Variants in PLIN4 observed in about 807,000 individuals in gnomAD.
PLIN4 encodes the protein perilipin-4.
In PLIN4, 57 loss-of-function variants were observed where a neutral mutation model predicts 52.4. The observed-to-expected ratio is 1.09, with a 90% CI of 0.88 to 1.36. The LOEUF (loss-of-function observed/expected upper bound fraction) is 1.36, where lower values mean the gene tolerates loss of function less well. Among genes scored for constraint, PLIN4 ranks in the 40% most tolerant of loss-of-function variants. The pLI, the probability that PLIN4 is intolerant of heterozygous loss-of-function variation, is 0.00. For synonymous variants in PLIN4, 826 were observed against 785.4 expected, an observed-to-expected ratio of 1.05 and a Z score of -0.86; for missense variants, 1,757 against 1,770.3, an observed-to-expected ratio of 0.99 and a Z score of 0.13.
In PLIN4 at chr19:4,512,187, CT is replaced by C. The variant is rs1976406213; in HGVS notation, c.1772del (p.Lys591ArgfsTer4). ...TGTCCTTGGTGCCGGTCAGCACGGT[CT>C]TGGCTGTGTCTACACCTGTCTGGAC... ...GAVQTGVDTA[K>X]TVLTGTKDTV... On this transcript the variant is annotated frameshift_variant, in exon 5 of 8. Coordinates refer to ENST00000301286, the MANE Select transcript of PLIN4 (RefSeq NM_001367868.2). LOFTEE classifies it high-confidence loss of function. 6.2e-7 allele frequency: 1 copy of C among 1,612,128 alleles called. No homozygotes were observed. The highest frequency in any genetic ancestry group is 1.7e-5 in the Admixed American group (1 of 59,804).
In PLIN4 at chr19:4,502,425, G is replaced by GACAAACCAGGGCATCTAAGCTGT. The variant is rs1263128213; in HGVS notation, c.*2011_*2033dup. 2.4e-5 allele frequency: 8 copies of GACAAACCAGGGCATCTAAGCTGT among 336,326 alleles called. No homozygotes were observed. The highest frequency in any genetic ancestry group is 3.9e-5 in the Non-Finnish European group (7 of 178,360). The allele number at this position is 336,326 out of a possible 1,614,324, so 20.8% of individuals were successfully genotyped here. A position where few individuals can be genotyped will look rare whatever the true frequency, so the allele number is the denominator to read the frequency against. ...CAAGCTCTTCCCAGGAGACAAGAGG[G>GACAAACCAGGGCATCTAAGCTGT]ACAAACCAGGGCATCTAAGCTGTGC... On this transcript the variant is annotated 3_prime_UTR_variant, in exon 8 of 8. Coordinates refer to ENST00000301286, the MANE Select transcript of PLIN4 (RefSeq NM_001367868.2).
intron 6 of PLIN4, 30 bp from the exon 7 acceptor site, chr19:4,504,977 G>T: frequency 6.4e-7 from 1 of 1,565,344 alleles, no homozygotes; most frequent in Non-Finnish European, 8.7e-7. Context: ...GGGAAATGAT[G>T]GCTTCTTGGC....
Position 4,504,338 on chromosome 19 carries a change from G to A in PLIN4, c.*121C>T. ...GCCCCTCGGCGCTCAGCCAGCTGCA[G>A]CCCCAAAGGTCTAGGGCTTTAGGGA... On this transcript the variant is annotated 3_prime_UTR_variant, in exon 8 of 8. Coordinates refer to ENST00000301286, the MANE Select transcript of PLIN4 (RefSeq NM_001367868.2). 9.6e-7 allele frequency: 1 copy of A among 1,038,532 alleles called. No individual in the cohort carries two copies. Among genetic ancestry groups the A allele is most frequent in the Non-Finnish European group, 1.3e-6 (1 of 745,600 alleles). 64.3% of individuals were successfully genotyped at this position (1,038,532 alleles called of 1,614,324 possible). A position where few individuals can be genotyped will look rare whatever the true frequency, so the allele number is the denominator to read the frequency against.
In PLIN4 at chr19:4,511,082, C is replaced by A. The variant is rs201223343; in HGVS notation, c.2878G>T (p.Ala960Ser). 3.7e-6 allele frequency: 6 copies of A among 1,613,444 alleles called. No homozygotes were observed. Among genetic ancestry groups the A allele is most frequent in the South Asian group, 1.1e-5 (1 of 91,082 alleles). ...ACTCCAGTAGTCACTGCATCCTTAG[C>A]GCCACTCAGCACCGTCTTGGCTGTG... ...VDTAKTVLSGAKDAVTTGVTG... is the reference protein window; with the variant it reads ...VDTAKTVLSGSKDAVTTGVTG... The change falls in exon 5 of 8, where the codon GCT becomes TCT. Residue 960 changes from alanine to serine, a missense_variant. Transcript: ENST00000301286.
intron 4 of PLIN4, among the ~76,000 whole-genome samples, chr19:4,515,571 G>C (rs1471812776): frequency 1.3e-5 from 2 of 152,122 alleles, no homozygotes; most frequent in African/African-American, 4.8e-5. Flanking sequence ...GCCCGGCCAA[G>C]GTGCTATTTT....
Position 4,504,756 on chromosome 19 carries a change from G to C in PLIN4, c.3819C>G (p.Val1273=). ...TGTGCAGCTGCCGGAGAAGGCCGCA[G>C]ACCCTGGACAGAACCCCGGCATCCC... ...EERDAGVLSR[V]CGLLRQLHTA... The change falls in exon 8 of 8, where the codon GTC becomes GTG. Residue 1273 remains valine, a synonymous_variant. Transcript: ENST00000301286. 1 of 1,599,958 alleles carries C rather than the reference G, an allele frequency of 6.3e-7. No individual in the cohort carries two copies. Among genetic ancestry groups the C allele is most frequent in the East Asian group, 2.2e-5 (1 of 44,562 alleles).
Position 4,502,370 on chromosome 19 carries a change from A to C in PLIN4, c.*2089T>G. On this transcript the variant is annotated 3_prime_UTR_variant, in exon 8 of 8. Coordinates refer to ENST00000301286, the MANE Select transcript of PLIN4 (RefSeq NM_001367868.2). ...CACTCTGGGCCCAGCCCAACCCTGA[A>C]AGGCCAGTGGCAGGAGAGCTGGGCG... The C allele has an allele frequency of 2.8e-6, 1 of 358,566 alleles. No homozygotes were observed. Among genetic ancestry groups the C allele is most frequent in the Non-Finnish European group, 5.2e-6 (1 of 191,270 alleles). 22.2% of individuals were successfully genotyped at this position (358,566 alleles called of 1,614,324 possible).
intron 5 of PLIN4, among the ~76,000 whole-genome samples, chr19:4,509,733 AG>A (rs1331312353): frequency 1.3e-5 from 2 of 152,060 alleles, no homozygotes; most frequent in Non-Finnish European, 2.9e-5. Flanking sequence ...TGAACCCAGG[AG>A]TTTGAGACCA....
chr19:4,510,627 G>C lies in PLIN4; in HGVS notation c.3333C>G (p.Ala1111=). The C allele has an allele frequency of 6.6e-7, 1 of 1,507,880 alleles. No individual in the cohort carries two copies. Among genetic ancestry groups the C allele is most frequent in the Non-Finnish European group, 8.9e-7 (1 of 1,129,326 alleles). 93.4% of individuals were successfully genotyped at this position (1,507,880 alleles called of 1,614,324 possible). A position where few individuals can be genotyped will look rare whatever the true frequency, so the allele number is the denominator to read the frequency against. The change falls in exon 5 of 8, where the codon GCC becomes GCG. Residue 1111 remains alanine, a synonymous_variant. Transcript: ENST00000301286. ...CGTCAGTCGCAAGGCCCTTGGTAGT[G>C]GCTGCGGCTTCCCAGGCAGGCTCCG... ...VGPEPAWEAA[A]TTKGLATDVA...
At chr19:4,506,062 G>A (rs554007952) in intron 6 of PLIN4, among the ~76,000 whole-genome samples, 9 of 152,154 alleles carry the variant, frequency 5.9e-5, no homozygotes, top group Admixed American at 3.9e-4. Flanking sequence ...CTGGGTTTAC[G>A]TCCCACTGTC....
At position 4,512,248 on chromosome 19, in the gene PLIN4, C is replaced by T. The variant is rs1318450393; in HGVS notation, c.1712G>A (p.Gly571Glu). The change falls in exon 5 of 8, where the codon GGG (glycine) becomes GAG (glutamate). Residue 571 changes from glycine (G) to glutamate (E), a missense_variant. Around this residue, in one of 7 missense-constraint regions of PLIN4, gnomAD observed 439 missense variants for 406.4 expected, o/e 1.08. Coordinates refer to ENST00000301286, the MANE Select transcript of PLIN4 (RefSeq NM_001367868.2). ...VIGTKDTMSTGLTGAANVAKG... is the reference protein window; with the variant it reads ...VIGTKDTMSTELTGAANVAKG... ...GGCCACATTCGCTGCCCCCGTGAGC[C>T]CAGTGGACATCGTGTCTTTTGTACC... The T allele has an allele frequency of 6.2e-7, 1 of 1,612,806 alleles. No homozygotes were observed. The highest frequency in any genetic ancestry group is 1.7e-5 in the Admixed American group (1 of 59,938).
Position 4,511,007 on chromosome 19 carries a change from C to T in PLIN4, c.2953G>A (p.Ala985Thr), listed in dbSNP as rs867896808. 3.1e-6 allele frequency: 5 copies of T among 1,612,610 alleles called. No individual in the cohort carries two copies. The highest frequency in any genetic ancestry group is 1.7e-5 in the Admixed American group (1 of 59,948). The change falls in exon 5 of 8, where the codon GCC (alanine) becomes ACC (threonine). Residue 985 changes from alanine (A) to threonine (T), a missense_variant. Around this residue, in one of 7 missense-constraint regions of PLIN4, gnomAD observed 712 missense variants for 637.1 expected, o/e 1.12. Transcript: ENST00000301286. ...GTACCCATAAGCACAGCCTTGGAGG[C>T]GTCCACGCCGGTCTGCACGGTTCCT... ...AKGTVQTGVD[A>T]SKAVLMGTKD...
intron 6 of PLIN4, among the ~76,000 whole-genome samples, chr19:4,508,477 G>T (rs1387019009): frequency 6.6e-6 from 1 of 152,178 alleles, no homozygotes; most frequent in Non-Finnish European, 1.5e-5. Context: ...GTGTTGGTCA[G>T]GCTGGTCTCG....
chr19:4,509,454 TA>T (rs1406435803), intron 5 of PLIN4, among the ~76,000 whole-genome samples: 3 of 145,486 alleles, frequency 2.1e-5, no homozygotes, highest in East Asian at 4.2e-4. Context: ...TTATCTCTAC[TA>T]AAAATATAAA....
rs916667802 is a variant in PLIN4, at chr19:4,503,517, G to A, written c.*942C>T. ...GGACCCAGGGGGAGTGTGCGGCGGA[G>A]GAAGGGCTGTGCCATAGGCACGCAG... On this transcript the variant is annotated 3_prime_UTR_variant, in exon 8 of 8. Transcript: ENST00000301286. The A allele has an allele frequency of 1.3e-4, 20 of 152,540 alleles. No individual in the cohort carries two copies. Among genetic ancestry groups the A allele is most frequent in the African/African-American group, 4.8e-4 (20 of 41,476 alleles). The allele number at this position is 152,540 out of a possible 1,614,324, so 9.4% of individuals were successfully genotyped here.
intron 3 of PLIN4, among the ~76,000 whole-genome samples, chr19:4,517,010 C>G (rs192483288): frequency 5.9e-5 from 9 of 152,190 alleles, no homozygotes; most frequent in African/African-American, 2.2e-4. Context: ...CCGCCCCCAC[C>G]GCAGCTGCCT....
At position 4,513,444 on chromosome 19, in the gene PLIN4, C is replaced by T. The variant is rs1180397138; in HGVS notation, c.516G>A (p.Val172=). Residue 172 remains valine (V), a synonymous_variant, in exon 5 of 8, where the codon GTG becomes GTA. Transcript: ENST00000301286. The part of the protein sequence containing the change: ...KAVLTGTKDT[V]STGLTGAVNV... ...TCACTGCCCCCGTGAGCCCAGTGGACACCGTGTCCTTGGTGCCGGTGAGGA... is the reference window on the plus strand; with the variant it reads ...TCACTGCCCCCGTGAGCCCAGTGGATACCGTGTCCTTGGTGCCGGTGAGGA... 6.2e-7 allele frequency: 1 copy of T among 1,613,378 alleles called. No homozygotes were observed. Among genetic ancestry groups the T allele is most frequent in the Admixed American group, 1.7e-5 (1 of 60,004 alleles).
At chr19:4,509,959 A>G (rs1976235014) in intron 5 of PLIN4, among the ~76,000 whole-genome samples, 3 of 151,668 alleles carry the variant, frequency 2.0e-5, no homozygotes, top group African/African-American at 4.9e-5. Context: ...TAATCCCAAC[A>G]CTTTGGGAGG....
At chr19:4,508,511 C>G (rs1274058135) in intron 6 of PLIN4, among the ~76,000 whole-genome samples, 4 of 152,216 alleles carry the variant, frequency 2.6e-5, no homozygotes, top group African/African-American at 4.8e-5. Flanking sequence ...AAGTGACCCA[C>G]CCGCCTCGGC....
Sources: gnomAD v4.1 joint callset for allele counts (sites outside exome capture counted in the v4.1 genomes callset) on GRCh38, gnomAD v4.1.1 for gene constraint, gnomAD v4.1.1 regional missense constraint, MANE v1.5 for transcripts, NCBI Gene and HGNC (gene_info 2026-07-23, HGNC 2026-07-21) for gene names.